The following LENG8 variants were observed in gnomAD, a reference collection of about 807,000 sequenced individuals.
The protein encoded by LENG8 is leukocyte receptor cluster member 8, also known as leukocyte receptor cluster (LRC) member 8.
LENG8 carries 28 observed loss-of-function variants against 102.1 expected under a neutral mutation model. The ratio of observed to expected loss-of-function variants is 0.27; its 90% CI spans 0.20 to 0.38. The LOEUF (loss-of-function observed/expected upper bound fraction) is 0.38, where lower values mean the gene tolerates loss of function less well. Ranked by LOEUF, LENG8 falls within the 10% of genes least tolerant of loss-of-function variation. The pLI is 1.00. For synonymous variants in LENG8, 531 were observed against 456.7 expected (o/e 1.16, Z -2.07); for missense variants, 1,022 against 1,113.9 (o/e 0.92, Z 1.17).
intron 15 of LENG8, chr19:54,459,800 C>T (rs955581031): frequency 7.3e-5 from 83 of 1,139,202 alleles, no homozygotes; most frequent in Non-Finnish European, 8.6e-5. Context: ...TGTGGGGTGC[C>T]GTGCACAGAG....
At position 54,454,582 on chromosome 19, in the gene LENG8, C is replaced by T. The variant is rs1446116880; in HGVS notation, c.579C>T (p.His193=). The change falls in exon 6 of 16, where the codon CAC becomes CAT. Residue 193 remains histidine, a synonymous_variant. Transcript: ENST00000326764. The part of the protein sequence containing the change: ...PQPGTAPATQ[H]SQAGPATGQA... ...CTGGGACAGCTCCAGCCACACAGCA[C>T]AGCCAGGCGGGGCCCGCCACGGGCC... is the stretch of plus-strand genomic sequence containing the variant. The T allele has an allele frequency of 1.9e-6, 3 of 1,606,564 alleles. No individual in the cohort carries two copies. Among genetic ancestry groups the T allele is most frequent in the Non-Finnish European group, 2.5e-6 (3 of 1,177,982 alleles).
At position 54,451,302 on chromosome 19, in the gene LENG8, C is replaced by T. The variant is rs2083948463; in HGVS notation, c.-43C>T. The T allele has an allele frequency of 4.4e-6, 7 of 1,608,480 alleles. No homozygotes were observed. Among genetic ancestry groups the T allele is most frequent in the Non-Finnish European group, 6.0e-6 (7 of 1,174,854 alleles). ...CTTTTTCTCATAGACAGTGAAAAAG[C>T]AGTCTGGCTCCCGAGGTCCACCCCT... On this transcript the variant is annotated 5_prime_UTR_variant, in exon 2 of 16. Coordinates refer to ENST00000326764, the MANE Select transcript of LENG8 (RefSeq NM_052925.4).
intron 15 of LENG8, 175 bp from the exon 16 acceptor site, chr19:54,460,591 C>G: frequency 2.1e-6 from 3 of 1,415,936 alleles, no homozygotes; most frequent in South Asian, 1.5e-5. Flanking sequence ...ACTAACCCCC[C>G]CCGGGCCCCC....
At position 54,460,906 on chromosome 19, in the gene LENG8, T is replaced by G; in HGVS notation, c.2381T>G (p.Leu794Arg). 1 of 1,550,428 alleles carries G rather than the reference T, an allele frequency of 6.4e-7. No individual in the cohort carries two copies. Among genetic ancestry groups the G allele is most frequent in the African/African-American group, 1.4e-5 (1 of 73,390 alleles). Residue 794 changes from leucine (L) to arginine (R), a missense_variant, in exon 16 of 16, where the codon CTG (leucine) becomes CGG (arginine). By Grantham distance (102) the Leu-to-Arg change is moderately radical (BLOSUM62 -2). This residue lies in a region of LENG8 where 129 missense variants were observed against 123.0 expected (regional missense o/e 1.05). Coordinates refer to ENST00000326764, the MANE Select transcript of LENG8 (RefSeq NM_052925.4). ...DNSSIDCRLS[L>R]AQLSAF ...TCCAGCATCGACTGCCGCCTCAGCCTGGCGCAGCTGTCAGCCTTCTGAGCA... is the reference window on the plus strand; with the variant it reads ...TCCAGCATCGACTGCCGCCTCAGCCGGGCGCAGCTGTCAGCCTTCTGAGCA...
chr19:54,461,799 T>A lies in LENG8; in HGVS notation c.*871T>A, dbSNP rs1317720403. 5 of 634,724 alleles carry A rather than the reference T, an allele frequency of 7.9e-6. 1 individual carries two copies. Among genetic ancestry groups the A allele is most frequent in the South Asian group, 6.1e-5 (4 of 66,006 alleles). The allele number at this position is 634,724 out of a possible 1,614,324, so 39.3% of individuals were successfully genotyped here. ...TTTCTTCCTCCTCTCCCTTTTCTTTTTGGCCCTCCCTCCCTCCCTCTTCTG... is the reference window on the plus strand; with the variant it reads ...TTTCTTCCTCCTCTCCCTTTTCTTTATGGCCCTCCCTCCCTCCCTCTTCTG... On this transcript the variant is annotated 3_prime_UTR_variant, in exon 16 of 16. Transcript: ENST00000326764.
intron 6 of LENG8, 33 bp from the exon 7 acceptor site, chr19:54,454,918 A>G (rs1180369387): frequency 6.2e-7 from 1 of 1,613,488 alleles, no homozygotes; most frequent in African/African-American, 1.3e-5. Context: ...GTGCCGGGGA[A>G]GGGCCTAACC....
rs1176310640 is a variant in LENG8 at position 54,454,434 on chromosome 19, C to T, written c.431C>T (p.Pro144Leu). Residue 144 changes from proline (P) to leucine (L), a missense_variant, in exon 6 of 16, where the codon CCA becomes CTA. By Grantham distance (98) the Pro-to-Leu change is moderately conservative (BLOSUM62 -3). Coordinates refer to ENST00000326764, the MANE Select transcript of LENG8 (RefSeq NM_052925.4). ...PQHQGTLNQPPVPGMDESMSY... is the reference protein window; with the variant it reads ...PQHQGTLNQPLVPGMDESMSY... ...AGCGCCTGCTTCCTTCTGCAGCCCC[C>T]AGTCCCCGGCATGGATGAGAGCATG... 5 of 1,604,304 alleles carry T rather than the reference C, an allele frequency of 3.1e-6. 1 individual carries two copies. Among genetic ancestry groups the T allele is most frequent in the Non-Finnish European group, 3.4e-6 (4 of 1,174,532 alleles).
rs1411576958 is a variant in LENG8 at position 54,461,268 on chromosome 19, A to T, written c.*340A>T. The T allele has an allele frequency of 4.1e-6, 2 of 492,710 alleles. No individual in the cohort carries two copies. Among genetic ancestry groups the T allele is most frequent in the Non-Finnish European group, 7.9e-6 (2 of 253,344 alleles). 30.5% of individuals were successfully genotyped at this position (492,710 alleles called of 1,614,324 possible). ...TTTCGAGCTTGCACTCCGGTACCCGACCCGGCGCCCTGGCCCATCCCATGC... is the reference window on the plus strand; with the variant it reads ...TTTCGAGCTTGCACTCCGGTACCCGTCCCGGCGCCCTGGCCCATCCCATGC... On this transcript the variant is annotated 3_prime_UTR_variant, in exon 16 of 16. Coordinates refer to ENST00000326764, the MANE Select transcript of LENG8 (RefSeq NM_052925.4).
At chr19:54,454,377 C>T (rs1404332787) in intron 5 of LENG8, 53 bp from the exon 6 acceptor site, 46 of 1,532,104 alleles carry the variant, frequency 3.0e-5, no homozygotes, top group Non-Finnish European at 3.9e-5. Flanking sequence ...CTGAGTGCCA[C>T]TCGCCAGCCC....
chr19:54,460,609 C>A, intron 15 of LENG8, 157 bp from the exon 16 acceptor site: 2 of 1,427,348 alleles, frequency 1.4e-6, no homozygotes, highest in African/African-American at 1.5e-5. Context: ...CCCCCCGAGC[C>A]CCTGAGGTGG....
chr19:54,460,715 C>T, intron 15 of LENG8, 51 bp from the exon 16 acceptor site: 1 of 1,393,466 alleles, frequency 7.2e-7, no homozygotes, highest in Non-Finnish European at 9.4e-7. Flanking sequence ...TGGGGCCCTC[C>T]CCTGCCCTCC....
chr19:54,455,187 G>A, intron 7 of LENG8, 95 bp downstream of exon 7: 2 of 1,565,022 alleles, frequency 1.3e-6, no homozygotes. Flanking sequence ...CTGAGCCTCA[G>A]TGTGCGCCTC....
intron 4 of LENG8, among the ~76,000 whole-genome samples, chr19:54,453,038 C>T (rs943630655): frequency 3.9e-5 from 6 of 152,236 alleles, no homozygotes; most frequent in African/African-American, 1.4e-4. Flanking sequence ...CAGGCCCGCT[C>T]TCGCTTTGCC....
In LENG8 at chr19:54,462,008, A is replaced by C; in HGVS notation, c.*1080A>C. 6.9e-7 allele frequency: 1 copy of C among 1,448,970 alleles called. No individual in the cohort carries two copies. Among genetic ancestry groups the C allele is most frequent in the Non-Finnish European group, 9.4e-7 (1 of 1,061,424 alleles). 89.8% of individuals were successfully genotyped at this position (1,448,970 alleles called of 1,614,324 possible). On this transcript the variant is annotated 3_prime_UTR_variant, in exon 16 of 16. Transcript: ENST00000326764. The stretch of plus-strand genomic sequence containing the variant: ...GAGAGAAACCAAAATTAAAGAGAGA[A>C]AGAGAGAGCGTGCACGCTCCTGCTT...
chr19:54,451,261 G>A, intron 1 of LENG8, 29 bp from the exon 2 acceptor site: 10 of 1,420,892 alleles, frequency 7.0e-6, no homozygotes, highest in East Asian at 6.8e-5. Context: ...TCCCCCTTAA[G>A]TCTCCCTAAC....
In LENG8 at chr19:54,452,150, G is replaced by A. The variant is rs768498554; in HGVS notation, c.96G>A (p.Pro32=). The A allele has an allele frequency of 1.3e-5, 21 of 1,614,012 alleles. No individual in the cohort carries two copies. The highest frequency in any genetic ancestry group is 4.5e-5 in the East Asian group (2 of 44,900). The change falls in exon 3 of 16, where the codon CCG becomes CCA. Residue 32 remains proline (P), a synonymous_variant. Transcript: ENST00000326764. ...GCCGAGAGAATGGCATGGAGACGCC[G>A]ATGCACGAGAACCCGGAGTGGGAGA... ...GAGRENGMET[P]MHENPEWEKA...
intron 15 of LENG8, 116 bp downstream of exon 15, chr19:54,458,637 C>T (rs1384377931): frequency 1.9e-6 from 3 of 1,558,742 alleles, no homozygotes; most frequent in African/African-American, 2.7e-5. Flanking sequence ...TTGTCCTGGT[C>T]CTTGCTTCCC....
In LENG8 at chr19:54,456,873, C is replaced by T. The variant is rs766626060; in HGVS notation, c.1683C>T (p.Tyr561=). The T allele has an allele frequency of 1.9e-6, 3 of 1,610,514 alleles. No individual in the cohort carries two copies. The highest frequency in any genetic ancestry group is 2.2e-5 in the South Asian group (2 of 90,996). Residue 561 remains tyrosine, a synonymous_variant, in exon 11 of 16, where the codon TAC becomes TAT. Coordinates refer to ENST00000326764, the MANE Select transcript of LENG8 (RefSeq NM_052925.4). The part of the protein sequence containing the change: ...VGTCPDITKH[Y]LRLTCAPDPS... ...CCTGCCCTGACATCACCAAGCACTA[C>T]CTGCGCCTCACCTGTGCCCCCGACC...
rs2083817184 is a variant in LENG8, at chr19:54,449,315, G to A, written c.-56+5G>A. The A allele has an allele frequency of 6.6e-6, 1 of 152,508 alleles. No homozygotes were observed. The highest frequency in any genetic ancestry group is 1.5e-5 in the Non-Finnish European group (1 of 68,244). 9.4% of individuals were successfully genotyped at this position (152,508 alleles called of 1,614,324 possible). A position where few individuals can be genotyped will look rare whatever the true frequency, so the allele number is the denominator to read the frequency against. ...TGCAGCGAAGGATCCTGGTTGGTAA[G>A]GGGAGCGGCAGGCGAGCAGGCGGGC... On this transcript the variant is annotated splice_donor_5th_base_variant and intron_variant, in intron 1 of 15. Transcript: ENST00000326764.
Sources: gnomAD v4.1 joint callset for allele counts (sites outside exome capture counted in the v4.1 genomes callset) on GRCh38, gnomAD v4.1.1 for gene constraint, gnomAD v4.1.1 regional missense constraint, MANE v1.5 for transcripts, NCBI Gene and HGNC (gene_info 2026-07-23, HGNC 2026-07-21) for gene names.